The following COL22A1 variants were observed in gnomAD, a reference collection of about 807,000 sequenced individuals.
COL22A1 encodes collagen type XXII alpha 1 chain.
In COL22A1, 221 loss-of-function variants were observed where a neutral mutation model predicts 248.9. The observed-to-expected ratio is 0.89, with a 90% CI of 0.80 to 0.99. The LOEUF is 0.99. Among genes scored for constraint, COL22A1 ranks in the 50% least tolerant of loss-of-function variants. The pLI, the probability that COL22A1 is intolerant of heterozygous loss-of-function variation, is 0.00. For synonymous variants in COL22A1, 891 were observed against 793.4 expected (o/e 1.12, Z -2.07); for missense variants, 2,240 against 2,179.0 (o/e 1.03, Z -0.56).
At chr8:138,756,689 G>A (rs190524305) in intron 18 of COL22A1, among the ~76,000 whole-genome samples, 1 of 152,206 alleles carries the variant, frequency 6.6e-6, no homozygotes, top group Admixed American at 6.5e-5. Flanking sequence ...CATCTATTAG[G>A]TCTTAAGGCT....
intron 63 of COL22A1, 105 bp from the exon 64 acceptor site, chr8:138,591,606 G>A: frequency 1.2e-6 from 1 of 834,848 alleles, no homozygotes; most frequent in East Asian, 3.2e-5. Flanking sequence ...GGCTGCTGTG[G>A]CATTCCAGTC....
In COL22A1 at chr8:138,755,813, G is replaced by A. The variant is rs781455689; in HGVS notation, c.1919C>T (p.Ala640Val). The A allele has an allele frequency of 1.2e-5, 19 of 1,613,902 alleles. No individual in the cohort carries two copies. The highest frequency in any genetic ancestry group is 2.2e-5 in the South Asian group (2 of 91,078). ...PQGEKGDVGPAGPPGVPGSVV... is the reference protein window; with the variant it reads ...PQGEKGDVGPVGPPGVPGSVV... Reference sequence around the variant, plus strand: ...TGAGCCTGGTACACCAGGTGGCCCCGCAGGTCCCACGTCACCCTGCACAGA... The same window carrying A: ...TGAGCCTGGTACACCAGGTGGCCCCACAGGTCCCACGTCACCCTGCACAGA... Residue 640 changes from alanine (A) to valine (V), a missense_variant, in exon 19 of 65, where the codon GCG becomes GTG. By Grantham distance (64) the Ala-to-Val change is moderately conservative. Transcript: ENST00000303045.
chr8:138,686,265 G>C (rs1245315968), intron 37 of COL22A1, among the ~76,000 whole-genome samples: 2 of 152,162 alleles, frequency 1.3e-5, no homozygotes, highest in Non-Finnish European at 2.9e-5. Context: ...CCTGGGCTTT[G>C]AGCTTGCTCC....
chr8:138,636,678 G>T, intron 48 of COL22A1, 64 bp downstream of exon 48: 1 of 1,188,266 alleles, frequency 8.4e-7, no homozygotes, highest in Non-Finnish European at 1.2e-6. Flanking sequence ...TACAATGGAA[G>T]CCACCTGGGA....
intron 3 of COL22A1, among the ~76,000 whole-genome samples, chr8:138,849,788 T>C (rs890044696): frequency 2.0e-5 from 3 of 152,120 alleles, no homozygotes; most frequent in Non-Finnish European, 4.4e-5. Context: ...TTACCCAACA[T>C]CACACAGCTG....
chr8:138,878,176 C>G lies in COL22A1; in HGVS notation c.232G>C (p.Gly78Arg). 1 of 1,604,036 alleles carries G rather than the reference C, an allele frequency of 6.2e-7. No individual in the cohort carries two copies. Residue 78 changes from glycine (G) to arginine (R), a missense_variant, in exon 3 of 65, where the codon GGG becomes CGG. By Grantham distance (125) the Gly-to-Arg change is moderately radical (BLOSUM62 -2). Transcript: ENST00000303045. The stretch of plus-strand genomic sequence containing the variant: ...GGCCGGTCGCTGTAGCGCACGACCC[C>G]CACACGGGTGCGGTCGGGGCCCACC... ...FEVGPDRTRVGVVRYSDRPTT... is the reference protein window; with the variant it reads ...FEVGPDRTRVRVVRYSDRPTT...
intron 63 of COL22A1, among the ~76,000 whole-genome samples, chr8:138,593,609 A>C (rs1450598762): frequency 6.6e-6 from 1 of 152,060 alleles, no homozygotes; most frequent in Non-Finnish European, 1.5e-5. Context: ...CTGATAAGTC[A>C]CTGCCTTGAG....
chr8:138,683,958 G>A (rs1329311942), intron 39 of COL22A1, among the ~76,000 whole-genome samples: 4 of 152,126 alleles, frequency 2.6e-5, no homozygotes, highest in Non-Finnish European at 5.9e-5. Context: ...ACAGTTAAGA[G>A]TCATAGAAAT....
At chr8:138,853,185 G>A (rs937603737) in intron 3 of COL22A1, among the ~76,000 whole-genome samples, 9 of 152,202 alleles carry the variant, frequency 5.9e-5, no homozygotes, top group African/African-American at 2.2e-4. Context: ...AAAAAAGAAG[G>A]GGCAGCATTT....
At chr8:138,775,227 A>G (rs959709780) in intron 16 of COL22A1, among the ~76,000 whole-genome samples, 3 of 152,198 alleles carry the variant, frequency 2.0e-5, no homozygotes, top group African/African-American at 7.2e-5. Context: ...GGGGCTGGGA[A>G]GAGTACACTG....
At chr8:138,811,682 C>T in intron 9 of COL22A1, 117 bp downstream of exon 9, 2 of 1,211,750 alleles carry the variant, frequency 1.7e-6, no homozygotes, top group Non-Finnish European at 2.4e-6. Flanking sequence ...GTGCTGTCAG[C>T]TGACAGCCAT....
At position 138,693,696 on chromosome 8, in the gene COL22A1, C is replaced by T. The variant is rs556328479; in HGVS notation, c.2704G>A (p.Ala902Thr). 5 of 1,572,954 alleles carry T rather than the reference C, an allele frequency of 3.2e-6. No individual in the cohort carries two copies. In the South Asian group the frequency reaches 3.5e-5, roughly 11 times the overall value. ...GPQGPTGPPG[A>T]KGQEGAHGAP... ...CCATGTGCACCTTCCTGTCCCTTGG[C>T]ACCCTGCACAGGAAATAAAAGAGGG... Residue 902 changes from alanine (A) to threonine (T), a missense_variant, in exon 35 of 65, where the codon GCC (alanine) becomes ACC (threonine). Coordinates refer to ENST00000303045, the MANE Select transcript of COL22A1 (RefSeq NM_152888.3).
intron 26 of COL22A1, among the ~76,000 whole-genome samples, 158 bp from the exon 27 acceptor site, chr8:138,720,950 C>T (rs1829824974): frequency 1.3e-5 from 2 of 152,316 alleles, no homozygotes; most frequent in Admixed American, 6.5e-5. Context: ...TCATCAAACA[C>T]AGCAGCTCAT....
At chr8:138,897,805 A>T (rs1224518999) in intron 1 of COL22A1, among the ~76,000 whole-genome samples, 3 of 152,106 alleles carry the variant, frequency 2.0e-5, no homozygotes, top group Non-Finnish European at 4.4e-5. Context: ...CAACAGAAAA[A>T]AAAAAACGGC....
At chr8:138,667,667 G>A (rs921918916) in intron 41 of COL22A1, among the ~76,000 whole-genome samples, 1 of 152,052 alleles carries the variant, frequency 6.6e-6, no homozygotes. Flanking sequence ...TATCCAAAGG[G>A]TACTTTAGGG....
intron 53 of COL22A1, 60 bp from the exon 54 acceptor site, chr8:138,617,018 C>A: frequency 1.3e-6 from 2 of 1,582,574 alleles, no homozygotes; most frequent in East Asian, 2.2e-5. Flanking sequence ...CAGAAGTGGG[C>A]AGGCATACCT....
chr8:138,745,210 C>G (rs1161865590), intron 22 of COL22A1, among the ~76,000 whole-genome samples: 1 of 149,108 alleles, frequency 6.7e-6, no homozygotes, highest in Non-Finnish European at 1.5e-5. Flanking sequence ...TTTAAATCTT[C>G]CAGAGAAGAT....
intron 44 of COL22A1, among the ~76,000 whole-genome samples, chr8:138,656,909 G>A (rs1823317675): frequency 6.6e-6 from 1 of 152,164 alleles, no homozygotes; most frequent in Non-Finnish European, 1.5e-5. Flanking sequence ...TGAAACCAAG[G>A]CAGTTTTTCA....
intron 44 of COL22A1, among the ~76,000 whole-genome samples, chr8:138,658,602 A>C (rs893937447): frequency 1.3e-5 from 2 of 152,132 alleles, no homozygotes; most frequent in Non-Finnish European, 2.9e-5. Flanking sequence ...GGACAAATGG[A>C]AGCTTGTATT....
Sources: allele counts gnomAD v4.1 joint callset (sites outside exome capture counted in the v4.1 genomes callset), GRCh38; gene constraint gnomAD v4.1.1; transcripts MANE v1.5; gene names NCBI Gene and HGNC (gene_info 2026-07-23, HGNC 2026-07-21).